The following CFAP54 variants were observed in gnomAD, a reference collection of about 807,000 sequenced individuals.
The protein encoded by CFAP54 is cilia and flagella associated protein 54.
In CFAP54, 290 loss-of-function variants were observed where a neutral mutation model predicts 370.4. The observed-to-expected ratio is 0.78, with a 90% CI of 0.71 to 0.86. The LOEUF (loss-of-function observed/expected upper bound fraction) is 0.86. Ranked by LOEUF, CFAP54 falls within the 40% of genes least tolerant of loss-of-function variation. The pLI is 0.00. For missense variants in CFAP54, 3,399 were observed against 3,528.7 expected (o/e 0.96, Z 0.93); for synonymous variants, 1,206 against 1,236.5 (o/e 0.98, Z 0.52).
intron 64 of CFAP54, among the ~76,000 whole-genome samples, chr12:96,815,830 A>G (rs1958969033): frequency 6.6e-6 from 1 of 152,180 alleles, no homozygotes; most frequent in African/African-American, 2.4e-5. Context: ...TCCTTTCCCC[A>G]TTGATTGTTT....
intron 47 of CFAP54, among the ~76,000 whole-genome samples, chr12:96,705,144 T>G (rs911370902): frequency 2.9e-4 from 44 of 152,286 alleles, no homozygotes; most frequent in African/African-American, 1.0e-3. Context: ...AAGGGGGCTA[T>G]GAATGGGGAA....
chr12:96,599,847 G>C (rs550227471), intron 26 of CFAP54, among the ~76,000 whole-genome samples: 1 of 151,312 alleles, frequency 6.6e-6, no homozygotes, highest in South Asian at 2.1e-4. Context: ...CCACTTTTTG[G>C]GGTTGTTTGT....
intron 43 of CFAP54, among the ~76,000 whole-genome samples, chr12:96,689,285 T>C (rs930638332): frequency 1.3e-5 from 2 of 152,018 alleles, no homozygotes; most frequent in African/African-American, 2.4e-5. Context: ...CTCAGCCTCA[T>C]AAGTGGCTGG....
chr12:96,753,186 G>A (rs974985836), intron 55 of CFAP54, among the ~76,000 whole-genome samples: 1 of 152,030 alleles, frequency 6.6e-6, no homozygotes, highest in African/African-American at 2.4e-5. Context: ...TCCATACAAT[G>A]GTTTTTTAAG....
At chr12:96,631,656 T>C (rs1400744342) in intron 32 of CFAP54, among the ~76,000 whole-genome samples, 2 of 150,012 alleles carry the variant, frequency 1.3e-5, no homozygotes, top group Admixed American at 6.7e-5. Flanking sequence ...GTGTGCATAA[T>C]ACTACACATA....
At chr12:96,836,726 A>C (rs982582878) in intron 66 of CFAP54, among the ~76,000 whole-genome samples, 1 of 152,192 alleles carries the variant, frequency 6.6e-6, no homozygotes, top group Non-Finnish European at 1.5e-5. Context: ...GTTAAATTCT[A>C]TTGATTTACA....
chr12:96,707,142 T>C (rs1957555725), intron 47 of CFAP54, among the ~76,000 whole-genome samples: 1 of 151,918 alleles, frequency 6.6e-6, no homozygotes, highest in Non-Finnish European at 1.5e-5. Context: ...GGAAGGAAAC[T>C]AAGGGAGTGT....
chr12:96,849,225 C>G (rs1233188377), intron 66 of CFAP54, among the ~76,000 whole-genome samples: 6 of 152,162 alleles, frequency 3.9e-5, no homozygotes, highest in African/African-American at 1.4e-4. Context: ...GATGAAAATA[C>G]TATTTGCTTT....
At chr12:96,839,030 A>G (rs1959195754) in intron 66 of CFAP54, among the ~76,000 whole-genome samples, 1 of 152,120 alleles carries the variant, frequency 6.6e-6, no homozygotes, top group Admixed American at 6.5e-5. Context: ...GCTCATTCAA[A>G]TGGAGGGGCT....
chr12:96,547,872 C>T, intron 14 of CFAP54, 30 bp from the exon 15 acceptor site: 1 of 1,208,472 alleles, frequency 8.3e-7, no homozygotes, highest in Non-Finnish European at 1.1e-6. Flanking sequence ...CTCCATCCTT[C>T]ATTCCCTTCC....
intron 26 of CFAP54, among the ~76,000 whole-genome samples, chr12:96,607,376 T>C (rs988077068): frequency 2.0e-5 from 3 of 151,506 alleles, no homozygotes; most frequent in African/African-American, 7.3e-5. Context: ...GGAGATACAA[T>C]CATGTGATCT....
At chr12:96,578,709 T>G (rs1956004208) in intron 20 of CFAP54, among the ~76,000 whole-genome samples, 1 of 152,210 alleles carries the variant, frequency 6.6e-6, no homozygotes, top group African/African-American at 2.4e-5. Flanking sequence ...ATCTGTTACC[T>G]TCTCATCAGC....
chr12:96,808,234 T>G (rs576167892), intron 63 of CFAP54, among the ~76,000 whole-genome samples: 2 of 152,258 alleles, frequency 1.3e-5, no homozygotes, highest in African/African-American at 4.8e-5. Context: ...TTCAGAGACA[T>G]GCTCTGCACT....
At chr12:96,677,226 G>A (rs1957221591) in intron 39 of CFAP54, among the ~76,000 whole-genome samples, 1 of 151,314 alleles carries the variant, frequency 6.6e-6, no homozygotes, top group South Asian at 2.1e-4. Context: ...GTCCAGGCCT[G>A]TCTTGAACTC....
intron 28 of CFAP54, 101 bp downstream of exon 28, chr12:96,623,982 C>T (rs1956526738): frequency 7.8e-6 from 6 of 766,218 alleles, no homozygotes; most frequent in Non-Finnish European, 1.3e-5. Flanking sequence ...ATTTGGTAAA[C>T]CCTTTAAGGT....
At chr12:96,753,954 TCAA>T in intron 56 of CFAP54, 56 bp downstream of exon 56, 2 of 1,555,816 alleles carry the variant, frequency 1.3e-6, no homozygotes, top group Non-Finnish European at 1.8e-6. Flanking sequence ...CTTTTTTCTG[TCAA>T]CAACAGGATT....
At chr12:96,544,377 T>C (rs1461809842) in intron 14 of CFAP54, among the ~76,000 whole-genome samples, 1 of 151,958 alleles carries the variant, frequency 6.6e-6, no homozygotes, top group African/African-American at 2.4e-5. Flanking sequence ...TGGGGCACTT[T>C]AGGCCTCCGA....
intron 32 of CFAP54, among the ~76,000 whole-genome samples, chr12:96,633,060 C>T (rs886082935): frequency 6.6e-5 from 10 of 151,970 alleles, no homozygotes; most frequent in African/African-American, 1.2e-4. Flanking sequence ...GATTTTTTTG[C>T]GTACTGATCT....
rs1398623411 is a variant in CFAP54, at chr12:96,657,669, C to A, written c.5101-213C>A. On this transcript the variant is annotated intron_variant, in intron 36 of 67. Transcript: ENST00000524981. ...AGTGGCTATAGGGAACGATAATGAA[C>A]AGCACAAATATATAGCACGTTTCCA... Among the ~76,000 whole-genome samples, 4 of 152,170 alleles carry A rather than the reference C, an allele frequency of 2.6e-5. No homozygotes were observed. The South Asian group carries it at 6.2e-4, about 24-fold the overall frequency.
Sources: gnomAD v4.1 joint callset for allele counts (sites outside exome capture counted in the v4.1 genomes callset) on GRCh38, gnomAD v4.1.1 for gene constraint, MANE v1.5 for transcripts, NCBI Gene and HGNC (gene_info 2026-07-23, HGNC 2026-07-21) for gene names.